PAPLN: variants seen among roughly 807,000 people sequenced by gnomAD.
PAPLN encodes the protein papilin, proteoglycan like sulfated glycoprotein, also known as papilin.
Under a neutral mutation model 159.0 loss-of-function variants are expected in PAPLN, and 146 were observed. That is an observed-to-expected ratio of 0.92 (90% CI 0.80 to 1.05). The LOEUF (loss-of-function observed/expected upper bound fraction) is 1.05, where lower values mean the gene tolerates loss of function less well. PAPLN is among the 50% of genes least tolerant of loss of function. The pLI is 0.00. For synonymous variants in PAPLN, 734 were observed against 702.9 expected (o/e 1.04, Z -0.70); for missense variants, 1,720 against 1,743.9 (o/e 0.99, Z 0.24).
At position 73,254,655 on chromosome 14, in the gene PAPLN, T is replaced by A; in HGVS notation, c.1445T>A (p.Leu482His). The change falls in exon 13 of 27, where the codon CTC (leucine) becomes CAC (histidine). Residue 482 changes from leucine to histidine, a missense_variant. Leu to His is a moderately conservative substitution (Grantham distance 99). Transcript: ENST00000644200. ...CCCTGTGTGCATGAGGACTGCCCCC[T>A]CCTCAGTGACCAGGCCTGGCATGTT... ...TEPCVHEDCP[L>H]LSDQAWHVGT... is the part of the protein sequence containing the mutation. 1 of 1,613,952 alleles carries A rather than the reference T, an allele frequency of 6.2e-7. No homozygotes were observed. Among genetic ancestry groups the A allele is most frequent in the South Asian group, 1.1e-5 (1 of 91,084 alleles).
intron 16 of PAPLN, 117 bp from the exon 17 acceptor site, chr14:73,260,592 C>G: frequency 1.5e-6 from 2 of 1,296,024 alleles, no homozygotes; most frequent in South Asian, 5.3e-5. Context: ...ACGTCCTCTC[C>G]CCCCCAGGTC....
chr14:73,261,302 G>A lies in PAPLN; in HGVS notation c.2245+8G>A. The A allele has an allele frequency of 6.2e-7, 1 of 1,613,118 alleles. No individual in the cohort carries two copies. The highest frequency in any genetic ancestry group is 1.1e-5 in the South Asian group (1 of 91,028). ...TGGGCCAGCCCAGCCATGGTGAGTG[G>A]ACACCCCCTCTCCTCCTTCTCGATG... is the stretch of plus-strand genomic sequence containing the variant. On this transcript the variant is annotated splice_region_variant and intron_variant, in intron 18 of 26. Transcript: ENST00000644200.
Position 73,266,641 on chromosome 14 carries a change from T to TCCTG in PAPLN, c.3391+14_3391+17dup. 6 of 1,614,124 alleles carry TCCTG rather than the reference T, an allele frequency of 3.7e-6. No individual in the cohort carries two copies. Among genetic ancestry groups the TCCTG allele is most frequent in the Non-Finnish European group, 4.2e-6 (5 of 1,180,014 alleles). ...CTCAGAGTTCTGGGTAAAGTGGCAG[T>TCCTG]CCTGAGTGGCCTTTGAGGTCAGGTG... On this transcript the variant is annotated intron_variant, in intron 24 of 26. Coordinates refer to ENST00000644200, the MANE Select transcript of PAPLN (RefSeq NM_001365906.3).
intron 11 of PAPLN, chr14:73,253,041 C>A: frequency 8.5e-7 from 1 of 1,171,114 alleles, no homozygotes; most frequent in African/African-American, 1.5e-5. Flanking sequence ...GGAGAAGGTT[C>A]CAGAGGTCCC....
At chr14:73,251,424 G>A (rs1180650006) in intron 7 of PAPLN, 62 bp from the exon 8 acceptor site, 2 of 1,519,668 alleles carry the variant, frequency 1.3e-6, no homozygotes, top group Non-Finnish European at 1.8e-6. Flanking sequence ...TTGGAGTCCT[G>A]TTTGAGTGGT....
intron 19 of PAPLN, 145 bp downstream of exon 19, chr14:73,262,972 T>C: frequency 1.4e-6 from 1 of 703,782 alleles, no homozygotes; most frequent in Non-Finnish European, 2.1e-6. Context: ...GTGGGCCTTG[T>C]TGCCATCATT....
Position 73,239,833 on chromosome 14 carries a change from G to A in PAPLN, c.54+1G>A, listed in dbSNP as rs202232594. The A allele has an allele frequency of 3.0e-3, 4,834 of 1,587,770 alleles. 7 individuals carry two copies. The highest frequency in any genetic ancestry group is 6.5e-3 in the Middle Eastern group (36 of 5,522). ...GCTGGCTCCAGCGCCCGGGTCCTCG[G>A]TGAGTGCGGTCCTGCCCCGGCCCCC... On this transcript the variant is annotated splice_donor_variant, in intron 2 of 26. Coordinates refer to ENST00000644200, the MANE Select transcript of PAPLN (RefSeq NM_001365906.3). LOFTEE classifies it high-confidence loss of function.
At position 73,265,635 on chromosome 14, in the gene PAPLN, T is replaced by C. The variant is rs1022696648; in HGVS notation, c.3263+128T>C. 14 of 1,369,416 alleles carry C rather than the reference T, an allele frequency of 1.0e-5. No homozygotes were observed. The highest frequency in any genetic ancestry group is 1.4e-5 in the Non-Finnish European group (14 of 1,019,372). 84.8% of individuals were successfully genotyped at this position (1,369,416 alleles called of 1,614,324 possible). On this transcript the variant is annotated intron_variant, in intron 23 of 26. Coordinates refer to ENST00000644200, the MANE Select transcript of PAPLN (RefSeq NM_001365906.3). The surrounding 1 kb of genome is among the most constrained non-coding windows in gnomAD (Gnocchi z 4.1). Reference sequence around the variant, plus strand: ...GTCCTGAGCCGGACTCCAGGGCCTCTTGAGAGATGGAGCAGCTGGGCAAAG... The same window carrying C: ...GTCCTGAGCCGGACTCCAGGGCCTCCTGAGAGATGGAGCAGCTGGGCAAAG...
At position 73,257,402 on chromosome 14, in the gene PAPLN, A is replaced by G. The variant is rs574321945; in HGVS notation, c.1628-1577A>G. ...ACTCAGAGCAACTTTCACTATGGGC[A>G]TTATTTCAGGGGGGGTCCTACAGGT... On this transcript the variant is annotated intron_variant, in intron 14 of 26. Transcript: ENST00000644200. Among the ~76,000 whole-genome samples the G allele has an allele frequency of 1.7e-4, 7 of 41,944 alleles. No individual in the cohort carries two copies. In the South Asian group the frequency reaches 5.3e-3, roughly 32 times the overall value. 27.5% of individuals were successfully genotyped at this position (41,944 alleles called of 152,430 possible).
At chr14:73,252,893 A>C in intron 11 of PAPLN, 118 bp downstream of exon 11, 1 of 1,489,078 alleles carries the variant, frequency 6.7e-7, no homozygotes. Flanking sequence ...AGGGCCCCCC[A>C]CGCTGTGGCT....
rs111503762 is a variant in PAPLN at position 73,271,810 on chromosome 14, T to C, written c.3668-685T>C. Among the ~76,000 whole-genome samples, 1,165 of 152,190 alleles carry C rather than the reference T, an allele frequency of 7.7e-3. 9 individuals carry two copies. Among genetic ancestry groups the C allele is most frequent in the African/African-American group, 0.027 (1,120 of 41,524 alleles). ...CCACCACACCCAGCTGAATGAAACT[T>C]AATAGGGAGTTATGAGATACAGACG... On this transcript the variant is annotated intron_variant, in intron 26 of 26. Coordinates refer to ENST00000644200, the MANE Select transcript of PAPLN (RefSeq NM_001365906.3).
intron 2 of PAPLN, among the ~76,000 whole-genome samples, chr14:73,240,821 C>T (rs1202889669): frequency 1.3e-5 from 2 of 152,146 alleles, no homozygotes; most frequent in African/African-American, 4.8e-5. Flanking sequence ...AGGGGGTCTG[C>T]AGAGCTGGGT....
chr14:73,236,346 A>G (rs1883033125), upstream of PAPLN, among the ~76,000 whole-genome samples: 1 of 152,178 alleles, frequency 6.6e-6, no homozygotes, highest in South Asian at 2.1e-4. Context: ...TCACAGCAAC[A>G]GGGACAGAAA....
chr14:73,248,003 T>TGA (rs1354717592), intron 5 of PAPLN, among the ~76,000 whole-genome samples: 2 of 103,344 alleles, frequency 1.9e-5, no homozygotes, highest in African/African-American at 8.8e-5. Context: ...TGTGTGTGTG[T>TGA]GTGTGTGTGT....
intron 5 of PAPLN, among the ~76,000 whole-genome samples, chr14:73,247,998 G>C (rs1884745230): frequency 1.1e-5 from 1 of 93,842 alleles, no homozygotes; most frequent in Non-Finnish European, 2.1e-5. Flanking sequence ...GTGTGTGTGT[G>C]TGTGTGTGTG....
chr14:73,251,923 G>A, intron 9 of PAPLN, 87 bp downstream of exon 9: 1 of 1,546,922 alleles, frequency 6.5e-7, no homozygotes, highest in Non-Finnish European at 8.7e-7. Flanking sequence ...GGGTTGAGTG[G>A]CTCTGGGCTT....
chr14:73,244,843 CT>C, intron 3 of PAPLN, 84 bp downstream of exon 3: 1 of 1,157,832 alleles, frequency 8.6e-7, no homozygotes, highest in Non-Finnish European at 1.2e-6. Flanking sequence ...TGGTCGTGGC[CT>C]AGGCTAGCAC....
At chr14:73,267,170 C>A (rs1887310807) in intron 25 of PAPLN, among the ~76,000 whole-genome samples, 1 of 152,186 alleles carries the variant, frequency 6.6e-6, no homozygotes, top group Non-Finnish European at 1.5e-5. Flanking sequence ...GGCACCCTCC[C>A]CAAAGTCATG....
At chr14:73,260,999 G>A (rs1357527872) in intron 17 of PAPLN, among the ~76,000 whole-genome samples, 157 bp from the exon 18 acceptor site, 3 of 152,294 alleles carry the variant, frequency 2.0e-5, no homozygotes, top group Non-Finnish European at 2.9e-5. Flanking sequence ...TGGGCCTGGG[G>A]TGGATCAGGG....
Sources: gnomAD v4.1 joint callset for allele counts (sites outside exome capture counted in the v4.1 genomes callset) on GRCh38, gnomAD v4.1.1 for gene constraint, Gnocchi (gnomAD v3.1) non-coding constraint, MANE v1.5 for transcripts, NCBI Gene and HGNC (gene_info 2026-07-23, HGNC 2026-07-21) for gene names.